TMC2: variants seen among roughly 807,000 people sequenced by gnomAD.
TMC2 encodes the protein transmembrane channel like 2.
TMC2 carries 102 observed loss-of-function variants against 105.9 expected under a neutral mutation model. The observed-to-expected ratio is 0.96, with a 90% CI of 0.82 to 1.14. The LOEUF is 1.14. Ranked by LOEUF, TMC2 falls within the 50% of genes most tolerant of loss-of-function variation. TMC2 has a pLI of 0.00. For synonymous variants in TMC2, 402 were observed against 422.8 expected, an observed-to-expected ratio of 0.95 and a Z score of 0.60; for missense variants, 1,093 against 1,134.3, an observed-to-expected ratio of 0.96 and a Z score of 0.52.
Position 2,572,161 on chromosome 20 carries a change from T to A in TMC2, c.555-18T>A, listed in dbSNP as rs752863306. ...AGGTGCTAACTGAAATCCTGCTTTT[T>A]TTTTTTTTTCTAAGCAGGGAGGCCC... On this transcript the variant is annotated intron_variant, in intron 4 of 19. Coordinates refer to ENST00000358864, the MANE Select transcript of TMC2 (RefSeq NM_080751.3). 5.7e-6 allele frequency: 9 copies of A among 1,585,200 alleles called. No homozygotes were observed. Among genetic ancestry groups the A allele is most frequent in the South Asian group, 1.1e-5 (1 of 89,766 alleles).
chr20:2,559,104 G>A (rs2086007087), intron 3 of TMC2, among the ~76,000 whole-genome samples: 1 of 152,170 alleles, frequency 6.6e-6, no homozygotes, highest in Non-Finnish European at 1.5e-5. Flanking sequence ...GGTGGGACAC[G>A]ATCCCGCGTC....
At chr20:2,555,945 C>T (rs1391827589) in intron 2 of TMC2, among the ~76,000 whole-genome samples, 1 of 152,198 alleles carries the variant, frequency 6.6e-6, no homozygotes, top group African/African-American at 2.4e-5. Context: ...ATGTCTCCCT[C>T]CCATCTCTTT....
At chr20:2,551,403 T>G (rs932313568) in intron 2 of TMC2, among the ~76,000 whole-genome samples, 10 of 134,114 alleles carry the variant, frequency 7.5e-5, no homozygotes, top group African/African-American at 3.8e-4. Flanking sequence ...GTTTGTGGGT[T>G]TTTTTTTTTA....
intron 7 of TMC2, among the ~76,000 whole-genome samples, chr20:2,584,456 A>AG (rs2086218512): frequency 6.6e-6 from 1 of 151,656 alleles, no homozygotes; most frequent in African/African-American, 2.4e-5. Context: ...AAAAAAAAAA[A>AG]AAAAGAAAAG....
intron 14 of TMC2, 124 bp downstream of exon 14, chr20:2,613,446 T>C (rs1309319952): frequency 4.3e-6 from 6 of 1,386,474 alleles, no homozygotes; most frequent in Non-Finnish European, 6.1e-6. Context: ...CTCTGCTCTG[T>C]AGAGTAGTAA....
Position 2,602,142 on chromosome 20 carries a change from CAAA to C in TMC2, c.1255_1257del (p.Lys419del). ...CAATAGTGGATGAACAAGAGAGTAA[CAAA>C]GAAGAAAATATCCATCTGACAAGAT... On this transcript the variant is annotated inframe_deletion, in exon 11 of 20. Transcript: ENST00000358864. 6.2e-7 allele frequency: 1 copy of C among 1,611,696 alleles called. No homozygotes were observed. The highest frequency in any genetic ancestry group is 8.5e-7 in the Non-Finnish European group (1 of 1,179,164).
At chr20:2,572,380 G>T in intron 5 of TMC2, 111 bp downstream of exon 5, 4 of 800,064 alleles carry the variant, frequency 5.0e-6, no homozygotes, top group Non-Finnish European at 8.4e-6. Flanking sequence ...GCTGCCCCCA[G>T]AATCCTGGGT....
At chr20:2,617,938 T>G (rs959726851) in intron 16 of TMC2, 2 of 153,298 alleles carry the variant, frequency 1.3e-5, no homozygotes, top group Non-Finnish European at 2.9e-5. Context: ...CTTGAACTCC[T>G]GGCCTCAAAC....
At chr20:2,541,853 T>C (rs1244480482) in intron 2 of TMC2, among the ~76,000 whole-genome samples, 1 of 152,016 alleles carries the variant, frequency 6.6e-6, no homozygotes, top group Non-Finnish European at 1.5e-5. Context: ...AATCCCATTA[T>C]TGACTTATTT....
intron 2 of TMC2, among the ~76,000 whole-genome samples, chr20:2,551,997 G>A (rs8126057): frequency 0.17 from 26,209 of 151,932 alleles, 2,365 homozygotes; most frequent in African/African-American, 0.2. Context: ...AGTAGCTCAC[G>A]CCTATAATCC....
At chr20:2,543,865 T>C (rs1268719817) in intron 2 of TMC2, among the ~76,000 whole-genome samples, 4 of 151,766 alleles carry the variant, frequency 2.6e-5, no homozygotes, top group African/African-American at 9.7e-5. Context: ...TTGTTTCACA[T>C]CCAGTTTCTG....
intron 2 of TMC2, among the ~76,000 whole-genome samples, chr20:2,543,903 G>GATTTT (rs3051735): frequency 4.9e-5 from 7 of 144,182 alleles, no homozygotes; most frequent in African/African-American, 2.6e-5. Context: ...CTGCATGTCA[G>GATTTT]TTTTTTTTTT....
chr20:2,617,445 C>G, intron 16 of TMC2, 134 bp downstream of exon 16: 1 of 1,187,012 alleles, frequency 8.4e-7, no homozygotes, highest in South Asian at 1.5e-5. Flanking sequence ...ATCACCGATG[C>G]CATTTAAGAG....
intron 9 of TMC2, among the ~76,000 whole-genome samples, chr20:2,595,712 C>T (rs995165672): frequency 1.2e-4 from 18 of 151,978 alleles, no homozygotes; most frequent in Non-Finnish European, 2.1e-4. Flanking sequence ...ACCTATCCAC[C>T]TGGGCCCACT....
chr20:2,596,611 C>T (rs865919647), intron 9 of TMC2, among the ~76,000 whole-genome samples: 6 of 141,800 alleles, frequency 4.2e-5, no homozygotes, highest in Non-Finnish European at 7.5e-5. Flanking sequence ...CCAGCCTGGA[C>T]GACAGAGCGA....
chr20:2,602,415 G>A, intron 11 of TMC2, 114 bp downstream of exon 11: 1 of 744,216 alleles, frequency 1.3e-6, no homozygotes, highest in Non-Finnish European at 2.0e-6. Context: ...GTTTTAATAA[G>A]TGAAATTACA....
chr20:2,602,249 G>A lies in TMC2; in HGVS notation c.1361G>A (p.Arg454Gln), dbSNP rs201251146. The change falls in exon 11 of 20, where the codon CGA becomes CAA. Residue 454 changes from arginine (R) to glutamine (Q), a missense_variant. Transcript: ENST00000358864. ...TACCTCATTTACTTTGTGGTTAAGC[G>A]ATCTCAGCAATTCTCCAAAATGCAG... is the stretch of plus-strand genomic sequence containing the variant. ...SGYLIYFVVK[R>Q]SQQFSKMQNV... is the part of the protein sequence containing the mutation. The A allele has an allele frequency of 9.5e-5, 153 of 1,611,326 alleles. No homozygotes were observed. Among genetic ancestry groups the A allele is most frequent in the Non-Finnish European group, 1.3e-4 (148 of 1,179,022 alleles).
intron 11 of TMC2, among the ~76,000 whole-genome samples, chr20:2,605,705 C>A (rs1334878255): frequency 6.6e-6 from 1 of 152,184 alleles, no homozygotes; most frequent in Non-Finnish European, 1.5e-5. Flanking sequence ...CAAACCAGGA[C>A]TTTTCCATAT....
intron 17 of TMC2, among the ~76,000 whole-genome samples, chr20:2,630,533 A>G (rs1443473818): frequency 6.6e-6 from 1 of 152,076 alleles, no homozygotes; most frequent in Non-Finnish European, 1.5e-5. Flanking sequence ...TGAAGTGTGC[A>G]TTTTTTGGCT....
Sources: allele counts gnomAD v4.1 joint callset (sites outside exome capture counted in the v4.1 genomes callset), GRCh38; gene constraint gnomAD v4.1.1; transcripts MANE v1.5; gene names NCBI Gene and HGNC (gene_info 2026-07-23, HGNC 2026-07-21).